The following PCDHGA2 variants were observed in gnomAD, a reference collection of about 807,000 sequenced individuals.
PCDHGA2 encodes the protein protocadherin gamma subfamily A, 2.
PCDHGA2 carries 40 observed loss-of-function variants against 59.2 expected under a neutral mutation model. That is an observed-to-expected ratio of 0.68 (90% CI 0.52 to 0.88). The LOEUF (loss-of-function observed/expected upper bound fraction) is 0.88, where lower values mean the gene tolerates loss of function less well. PCDHGA2 is among the 40% of genes least tolerant of loss of function. The pLI is 0.00. For missense variants in PCDHGA2, 1,226 were observed against 1,204.0 expected, an observed-to-expected ratio of 1.02 and a Z score of -0.27; for synonymous variants, 560 against 526.0, an observed-to-expected ratio of 1.06 and a Z score of -0.89.
rs1213653891 is a variant in PCDHGA2 at position 141,419,687 on chromosome 5, C to T, written c.2425-75120C>T. 1.9e-6 allele frequency: 3 copies of T among 1,612,692 alleles called. No individual in the cohort carries two copies. In the African/African-American group the frequency reaches 4.0e-5, roughly 22 times the overall value. On this transcript the variant is annotated intron_variant, in intron 1 of 3. Transcript: ENST00000394576. ...TGCCTGGCTGTCCTACCACGTGGTG[C>T]AGGCCAGTGAGCCCGGGCTCTTCAG...
At chr5:141,402,910 G>A in intron 1 of PCDHGA2, 2 of 1,549,722 alleles carry the variant, frequency 1.3e-6, no homozygotes, top group Non-Finnish European at 1.7e-6. Context: ...ATGAAGCAGC[G>A]CGCACAGAGA....
intron 2 of PCDHGA2, among the ~76,000 whole-genome samples, chr5:141,500,212 ATT>A (rs1336187706): frequency 5.4e-5 from 8 of 148,798 alleles, no homozygotes; most frequent in African/African-American, 2.0e-4. Context: ...TTATTTATTT[ATT>A]TATTTATTTA....
At chr5:141,509,887 T>C (rs138950510) in intron 3 of PCDHGA2, among the ~76,000 whole-genome samples, 1 of 152,314 alleles carries the variant, frequency 6.6e-6, no homozygotes, top group East Asian at 1.9e-4. Flanking sequence ...TGATGGTGAC[T>C]GACTGTCCCT....
At chr5:141,369,244 TTAAA>T (rs1159204045) in intron 1 of PCDHGA2, among the ~76,000 whole-genome samples, 2 of 152,116 alleles carry the variant, frequency 1.3e-5, no homozygotes, top group Admixed American at 1.3e-4. Flanking sequence ...ACTTATATAA[TTAAA>T]TAATATAATT....
At chr5:141,360,120 C>T in intron 1 of PCDHGA2, 1 of 1,578,378 alleles carries the variant, frequency 6.3e-7, no homozygotes, top group Non-Finnish European at 8.6e-7. Context: ...GGCAAAGGAG[C>T]AAAGGGAGCC....
chr5:141,365,580 A>G, intron 1 of PCDHGA2: 1 of 1,613,742 alleles, frequency 6.2e-7, no homozygotes, highest in South Asian at 1.1e-5. Flanking sequence ...GAGACTTCAG[A>G]TTATAATATC....
At chr5:141,348,169 T>C (rs953518972) in intron 1 of PCDHGA2, among the ~76,000 whole-genome samples, 1 of 152,250 alleles carries the variant, frequency 6.6e-6, no homozygotes, top group South Asian at 2.1e-4. Flanking sequence ...GACCAAAATA[T>C]GTTTTATTAG....
chr5:141,400,144 G>A, intron 1 of PCDHGA2: 1 of 1,614,068 alleles, frequency 6.2e-7, no homozygotes, highest in Non-Finnish European at 8.5e-7. Context: ...GGATATCACT[G>A]ACCGCCCTGT....
intron 1 of PCDHGA2, chr5:141,393,813 C>G (rs376904307): frequency 1.2e-6 from 2 of 1,613,814 alleles, no homozygotes; most frequent in Non-Finnish European, 8.5e-7. Flanking sequence ...GACCAAATTG[C>G]TCATTTCGGT....
Position 141,487,500 on chromosome 5 carries a change from C to G in PCDHGA2, c.2425-7307C>G. 6.2e-7 allele frequency: 1 copy of G among 1,614,178 alleles called. No individual in the cohort carries two copies. Among genetic ancestry groups the G allele is most frequent in the East Asian group, 2.2e-5 (1 of 44,862 alleles). Reference sequence around the variant, plus strand: ...CACTCTCATGGCTGTACACCCTTGGCTTCTGCACCCACTCGGAGTGATAGC... The same window carrying G: ...CACTCTCATGGCTGTACACCCTTGGGTTCTGCACCCACTCGGAGTGATAGC... On this transcript the variant is annotated intron_variant, in intron 1 of 3. Coordinates refer to ENST00000394576, the MANE Select transcript of PCDHGA2 (RefSeq NM_018915.4). The surrounding 1 kb of genome is among the most constrained non-coding windows in gnomAD (Gnocchi z 5.0).
intron 1 of PCDHGA2, among the ~76,000 whole-genome samples, chr5:141,437,415 G>A: frequency 6.6e-6 from 1 of 152,162 alleles, no homozygotes; most frequent in Non-Finnish European, 1.5e-5. Context: ...GAAGTATTAT[G>A]CTTTTTGAAG....
At position 141,466,670 on chromosome 5, in the gene PCDHGA2, G is replaced by C. The variant is rs994949602; in HGVS notation, c.2425-28137G>C. On this transcript the variant is annotated intron_variant, in intron 1 of 3. Transcript: ENST00000394576. ...TTCACAAAACATCAGTGATTTCACC[G>C]TTCTTCCACTCAAGCTTCATCATAA... Among the ~76,000 whole-genome samples, 3 of 152,046 alleles carry C rather than the reference G, an allele frequency of 2.0e-5. No homozygotes were observed. The South Asian group carries it at 6.2e-4, about 32-fold the overall frequency.
intron 1 of PCDHGA2, chr5:141,372,854 C>T: frequency 6.9e-7 from 1 of 1,458,390 alleles, no homozygotes; most frequent in Non-Finnish European, 9.2e-7. Flanking sequence ...AATTGGGTTT[C>T]AATTCATTGA....
chr5:141,423,501 C>G, intron 1 of PCDHGA2: 1 of 1,613,990 alleles, frequency 6.2e-7, no homozygotes, highest in African/African-American at 1.3e-5. Flanking sequence ...CCCACGAGGT[C>G]TCTCTCATTG....
At chr5:141,375,460 C>G (rs184685234) in intron 1 of PCDHGA2, 288 of 1,614,022 alleles carry the variant, frequency 1.8e-4, no homozygotes, top group Non-Finnish European at 2.3e-4. Flanking sequence ...CCTACTCAGT[C>G]TATGTCCTTG....
intron 1 of PCDHGA2, chr5:141,364,231 C>G: frequency 7.2e-7 from 1 of 1,392,330 alleles, no homozygotes; most frequent in Non-Finnish European, 9.6e-7. Flanking sequence ...CAACGCTCCA[C>G]GCCCATTTTC....
chr5:141,363,424 C>T (rs1226376844), intron 1 of PCDHGA2, among the ~76,000 whole-genome samples: 1 of 152,126 alleles, frequency 6.6e-6, no homozygotes, highest in Non-Finnish European at 1.5e-5. Context: ...ATATCTGTCT[C>T]AACATAGAAA....
At chr5:141,356,591 A>G in intron 1 of PCDHGA2, 2 of 1,614,128 alleles carry the variant, frequency 1.2e-6, no homozygotes, top group Non-Finnish European at 1.7e-6. Flanking sequence ...ATTCCTGAAA[A>G]CAACCCCAGA....
intron 3 of PCDHGA2, among the ~76,000 whole-genome samples, chr5:141,506,877 G>A (rs998146154): frequency 1.3e-5 from 2 of 152,142 alleles, no homozygotes; most frequent in Non-Finnish European, 2.9e-5. Flanking sequence ...AGAGAACCAG[G>A]TGAAATCACA....
Sources: allele counts gnomAD v4.1 joint callset (sites outside exome capture counted in the v4.1 genomes callset), GRCh38; gene constraint gnomAD v4.1.1; non-coding constraint Gnocchi (gnomAD v3.1); transcripts MANE v1.5; gene names NCBI Gene and HGNC (gene_info 2026-07-23, HGNC 2026-07-21).